TMTC2: variants seen among roughly 807,000 people sequenced by gnomAD.
TMTC2 encodes transmembrane O-mannosyltransferase targeting cadherins 2.
In TMTC2, 43 loss-of-function variants were observed where a neutral mutation model predicts 82.4. The observed-to-expected ratio is 0.52, with a 90% confidence interval of 0.41 to 0.67. The LOEUF is 0.67. TMTC2 is among the 30% of genes least tolerant of loss of function. The pLI is 0.00. For synonymous variants in TMTC2, 408 were observed against 381.9 expected, an observed-to-expected ratio of 1.07 and a Z score of -0.80; for missense variants, 919 against 1,012.4, an observed-to-expected ratio of 0.91 and a Z score of 1.25.
chr12:82,939,084 G>A (rs1646132790), intron 4 of TMTC2, among the ~76,000 whole-genome samples: 1 of 152,140 alleles, frequency 6.6e-6, no homozygotes, highest in Non-Finnish European at 1.5e-5. Flanking sequence ...TGCTCAGTGG[G>A]ATGATTTCAA....
At chr12:83,124,415 A>G (rs969042168) in intron 11 of TMTC2, among the ~76,000 whole-genome samples, 3 of 152,208 alleles carry the variant, frequency 2.0e-5, no homozygotes, top group African/African-American at 7.2e-5. Context: ...ATTAGGATAA[A>G]TTCACTGGCT....
At chr12:82,959,213 A>G (rs2137292228) in intron 4 of TMTC2, among the ~76,000 whole-genome samples, 1 of 152,288 alleles carries the variant, frequency 6.6e-6, no homozygotes, top group South Asian at 2.1e-4. Context: ...CATGCTTATG[A>G]GTTGGAAGAA....
At chr12:82,730,790 G>A (rs1274300251) in intron 1 of TMTC2, among the ~76,000 whole-genome samples, 2 of 152,174 alleles carry the variant, frequency 1.3e-5, no homozygotes, top group Non-Finnish European at 2.9e-5. Flanking sequence ...CTGTCCTTTC[G>A]AATTCCAATG....
chr12:82,999,331 G>A (rs2137363988), intron 8 of TMTC2, among the ~76,000 whole-genome samples: 1 of 152,214 alleles, frequency 6.6e-6, no homozygotes, highest in Non-Finnish European at 1.5e-5. Flanking sequence ...AACCACCAGA[G>A]GTAAATTATC....
intron 8 of TMTC2, among the ~76,000 whole-genome samples, chr12:83,007,026 A>G (rs1180483548): frequency 6.6e-6 from 1 of 152,124 alleles, no homozygotes; most frequent in Non-Finnish European, 1.5e-5. Flanking sequence ...ACCATGGCAC[A>G]TGTATGTAAC....
intron 11 of TMTC2, among the ~76,000 whole-genome samples, chr12:83,131,647 CA>C (rs1885258731): frequency 6.6e-6 from 1 of 152,102 alleles, no homozygotes; most frequent in African/African-American, 2.4e-5. Flanking sequence ...CCTTGTTGAA[CA>C]ACTCAGGTTT....
At chr12:82,791,712 A>G (rs1055226535) in intron 1 of TMTC2, among the ~76,000 whole-genome samples, 1 of 152,164 alleles carries the variant, frequency 6.6e-6, no homozygotes, top group Non-Finnish European at 1.5e-5. Flanking sequence ...GTAAATGTTT[A>G]GTAATGTAAA....
At chr12:82,792,052 T>G (rs1878494880) in intron 1 of TMTC2, among the ~76,000 whole-genome samples, 1 of 152,126 alleles carries the variant, frequency 6.6e-6, no homozygotes, top group Admixed American at 6.5e-5. Context: ...CTTGGGAAAT[T>G]CCCACAGAAG....
chr12:83,028,273 A>G (rs1881265587), intron 8 of TMTC2, among the ~76,000 whole-genome samples: 3 of 152,222 alleles, frequency 2.0e-5, no homozygotes, highest in South Asian at 2.1e-4. Flanking sequence ...ATTTACATGT[A>G]TCACATCAGA....
At position 82,895,810 on chromosome 12, in the gene TMTC2, G is replaced by A. The variant is rs576297973; in HGVS notation, c.655-8G>A. The A allele has an allele frequency of 9.5e-5, 151 of 1,592,108 alleles. 1 individual carries two copies. The South Asian group carries it at 1.7e-3, about 17-fold the overall frequency. On this transcript the variant is annotated splice_region_variant and splice_polypyrimidine_tract_variant and intron_variant, in intron 2 of 11. Transcript: ENST00000321196. ...TCTTAATTTTTCCCTTCTCTCTTTT[G>A]GTTTCAGAGGAAGAACTTGTCGCTT...
chr12:82,894,002 G>A (rs762913153), intron 2 of TMTC2, among the ~76,000 whole-genome samples: 2 of 152,190 alleles, frequency 1.3e-5, no homozygotes, highest in Non-Finnish European at 2.9e-5. Flanking sequence ...AAGTTGTGAA[G>A]ACTTGATAAT....
intron 1 of TMTC2, among the ~76,000 whole-genome samples, chr12:82,766,356 G>A (rs1195023636): frequency 1.3e-5 from 2 of 152,076 alleles, no homozygotes; most frequent in East Asian, 1.9e-4. Context: ...TCTCTCCCAG[G>A]TTCCTGTTTT....
intron 1 of TMTC2, among the ~76,000 whole-genome samples, chr12:82,816,464 G>T (rs551039823): frequency 6.6e-6 from 1 of 152,068 alleles, no homozygotes; most frequent in East Asian, 1.9e-4. Context: ...GACTGCCAGG[G>T]AGTCTCCAAA....
intron 3 of TMTC2, among the ~76,000 whole-genome samples, chr12:82,929,047 T>G (rs1001761217): frequency 2.6e-5 from 4 of 152,220 alleles, no homozygotes; most frequent in African/African-American, 7.2e-5. Context: ...TTACCATGTT[T>G]CAGGCACTGT....
At chr12:82,711,564 TA>T (rs1334797830) in intron 1 of TMTC2, among the ~76,000 whole-genome samples, 1 of 152,226 alleles carries the variant, frequency 6.6e-6, no homozygotes, top group Non-Finnish European at 1.5e-5. Context: ...TAATGTCTAA[TA>T]GCTCTTTTAA....
At chr12:82,866,487 GA>G (rs1871871537) in intron 2 of TMTC2, among the ~76,000 whole-genome samples, 1 of 152,130 alleles carries the variant, frequency 6.6e-6, no homozygotes, top group African/African-American at 2.4e-5. Context: ...CAGTGAAAAT[GA>G]CACGCAAATT....
intron 2 of TMTC2, among the ~76,000 whole-genome samples, chr12:82,882,104 A>T (rs1872856378): frequency 7.2e-6 from 1 of 138,258 alleles, no homozygotes; most frequent in Admixed American, 7.8e-5. Flanking sequence ...GGTTCACGCC[A>T]TTCTCCTGCC....
intron 1 of TMTC2, among the ~76,000 whole-genome samples, chr12:82,714,182 T>C (rs903473644): frequency 6.6e-6 from 1 of 152,234 alleles, no homozygotes; most frequent in African/African-American, 2.4e-5. Context: ...TGACTGGCAT[T>C]GAGAATGGGA....
intron 2 of TMTC2, among the ~76,000 whole-genome samples, chr12:82,872,259 T>C (rs1294877392): frequency 6.6e-6 from 1 of 152,110 alleles, no homozygotes; most frequent in Admixed American, 6.5e-5. Context: ...CACATTGGCC[T>C]GCAGGGGCAT....
Sources: allele counts gnomAD v4.1 joint callset (sites outside exome capture counted in the v4.1 genomes callset), GRCh38; gene constraint gnomAD v4.1.1; transcripts MANE v1.5; gene names NCBI Gene and HGNC (gene_info 2026-07-23, HGNC 2026-07-21).